LRRC37A2: variants seen among roughly 807,000 people sequenced by gnomAD.
LRRC37A2 encodes leucine rich repeat containing 37 member A2, also known as leucine-rich repeat-containing protein 37A2.
In LRRC37A2, 9 loss-of-function variants were observed where a neutral mutation model predicts 68.8. The observed-to-expected ratio is 0.13, with a 90% confidence interval of 0.08 to 0.23. The LOEUF (loss-of-function observed/expected upper bound fraction) is 0.23, where lower values mean the gene tolerates loss of function less well. LRRC37A2 is among the 10% of genes least tolerant of loss of function. LRRC37A2 has a pLI of 1.00. For synonymous variants in LRRC37A2, 63 were observed against 367.6 expected, an observed-to-expected ratio of 0.17 and a Z score of 9.48; for missense variants, 168 against 950.4, an observed-to-expected ratio of 0.18 and a Z score of 10.82.
At chr17:46,552,962 G>A (rs2056936826) in intron 11 of LRRC37A2, among the ~76,000 whole-genome samples, 1 of 142,696 alleles carries the variant, frequency 7.0e-6, no homozygotes, top group African/African-American at 2.8e-5. Context: ...GGCTGAGGTG[G>A]GCGGATCACT....
the LRRC37A2 span, among the ~76,000 whole-genome samples, chr17:46,400,876 AG>A: frequency 8.9e-6 from 1 of 111,828 alleles, no homozygotes; most frequent in Non-Finnish European, 2.1e-5. Context: ...TCCAGTAGGG[AG>A]GCCTTTTGTT....
the LRRC37A2 span, among the ~76,000 whole-genome samples, chr17:46,905,780 T>TTGTGTG: frequency 9.5e-3 from 1,114 of 117,032 alleles, 11 homozygotes; most frequent in Middle Eastern, 0.056. Flanking sequence ...CTCTGTGTGT[T>TTGTGTG]TGTGTGTGTG....
the LRRC37A2 span, among the ~76,000 whole-genome samples, chr17:46,738,617 G>C: frequency 1.3e-5 from 2 of 152,158 alleles, no homozygotes; most frequent in African/African-American, 4.8e-5. Context: ...GATACGGTGT[G>C]CCCTGTTTGT....
the LRRC37A2 span, chr17:46,936,275 C>T: frequency 1.0e-6 from 1 of 985,268 alleles, no homozygotes; most frequent in Non-Finnish European, 1.2e-6. Context: ...CAGTAGAGGC[C>T]TTTTAGGACC....
chr17:46,766,744 A>G, the LRRC37A2 span, among the ~76,000 whole-genome samples: 1 of 151,886 alleles, frequency 6.6e-6, no homozygotes, highest in African/African-American at 2.4e-5. Context: ...CCTACTCCCT[A>G]TGGCACAGAC....
At chr17:46,878,936 C>T in the LRRC37A2 span, among the ~76,000 whole-genome samples, 4 of 152,192 alleles carry the variant, frequency 2.6e-5, no homozygotes, top group Non-Finnish European at 4.4e-5. Context: ...GTCTCTCTCC[C>T]TCTCTTCTTC....
the LRRC37A2 span, among the ~76,000 whole-genome samples, chr17:46,758,767 G>A: frequency 6.6e-6 from 1 of 152,198 alleles, no homozygotes; most frequent in South Asian, 2.1e-4. Flanking sequence ...GTAGATTGAA[G>A]TGTGTACAAT....
At chr17:46,990,428 A>G in the LRRC37A2 span, among the ~76,000 whole-genome samples, 1 of 152,340 alleles carries the variant, frequency 6.6e-6, no homozygotes, top group South Asian at 2.1e-4. Context: ...AAGTGATCAC[A>G]CTATTGATGT....
the LRRC37A2 span, among the ~76,000 whole-genome samples, chr17:46,622,302 A>C: frequency 6.8e-6 from 1 of 146,360 alleles, no homozygotes. Flanking sequence ...ATGAAAATAC[A>C]AAAAAATTAG....
intron 6 of LRRC37A2, chr17:46,528,645 A>G: frequency 1.9e-6 from 1 of 537,336 alleles, no homozygotes; most frequent in East Asian, 3.2e-5. Context: ...ACTTGACTCC[A>G]GGAGGTGGAG....
the LRRC37A2 span, chr17:46,721,435 C>T: frequency 1.6e-6 from 1 of 609,118 alleles, no homozygotes; most frequent in African/African-American, 1.9e-5. Flanking sequence ...CCTTCTCTTT[C>T]AGACTTCCCT....
At chr17:46,907,550 CTT>C in the LRRC37A2 span, among the ~76,000 whole-genome samples, 2 of 143,070 alleles carry the variant, frequency 1.4e-5, no homozygotes, top group Non-Finnish European at 1.5e-5. Context: ...GCTCCCTTAA[CTT>C]TTTTTTTTTT....
the LRRC37A2 span, among the ~76,000 whole-genome samples, chr17:46,493,558 A>C: frequency 7.2e-6 from 1 of 139,442 alleles, no homozygotes; most frequent in Non-Finnish European, 1.5e-5. Context: ...TATTTATTTG[A>C]GACGGAGTCT....
the LRRC37A2 span, among the ~76,000 whole-genome samples, chr17:46,872,017 C>G: frequency 6.6e-6 from 1 of 152,146 alleles, no homozygotes; most frequent in African/African-American, 2.4e-5. Context: ...GGCTGGGTGT[C>G]CGCTCAATGT....
chr17:46,541,311 G>C (rs1028452968), intron 8 of LRRC37A2, among the ~76,000 whole-genome samples: 1 of 150,020 alleles, frequency 6.7e-6, no homozygotes, highest in African/African-American at 2.5e-5. Flanking sequence ...CAGTGCAGCG[G>C]CATGACCTAG....
chr17:46,857,348 G>A, the LRRC37A2 span, among the ~76,000 whole-genome samples: 1 of 151,854 alleles, frequency 6.6e-6, no homozygotes, highest in East Asian at 1.9e-4. Flanking sequence ...GGTGGTGCAT[G>A]CCTCTAATCC....
chr17:46,889,118 C>G, the LRRC37A2 span, among the ~76,000 whole-genome samples: 1 of 152,118 alleles, frequency 6.6e-6, no homozygotes, highest in Non-Finnish European at 1.5e-5. Flanking sequence ...CTAAGTGCAA[C>G]TCAACCTTTA....
At chr17:46,823,079 T>C in the LRRC37A2 span, among the ~76,000 whole-genome samples, 1 of 61,248 alleles carries the variant, frequency 1.6e-5, no homozygotes, top group African/African-American at 5.2e-5. Flanking sequence ...AATATGTATT[T>C]ATAATAAATA....
At chr17:46,756,840 A>G in the LRRC37A2 span, 9 of 152,616 alleles carry the variant, frequency 5.9e-5, no homozygotes, top group Non-Finnish European at 1.3e-4. Context: ...TGTCCATTCC[A>G]ATACATTGAA....
Sources: gnomAD v4.1 joint callset for allele counts (sites outside exome capture counted in the v4.1 genomes callset) on GRCh38, gnomAD v4.1.1 for gene constraint, MANE v1.5 for transcripts, NCBI Gene and HGNC (gene_info 2026-07-23, HGNC 2026-07-21) for gene names.